Variants in NXPE2 observed in about 807,000 individuals in gnomAD.
NXPE2 encodes the protein NXPE family member 2.
A neutral mutation model predicts 34.4 loss-of-function variants in NXPE2; 34 were observed. The observed-to-expected ratio is 0.99, with a 90% CI of 0.75 to 1.31. The LOEUF is 1.31. Ranked by LOEUF, NXPE2 falls within the 40% of genes most tolerant of loss-of-function variation. The pLI, the probability that NXPE2 is intolerant of heterozygous loss-of-function variation, is 0.00. For synonymous variants in NXPE2, 235 were observed against 231.3 expected (o/e 1.02, Z -0.15); for missense variants, 649 against 672.5 (o/e 0.97, Z 0.39).
chr11:114,800,052 T>TTTGGATCC, the NXPE2 span, among the ~76,000 whole-genome samples: 2 of 152,214 alleles, frequency 1.3e-5, no homozygotes, highest in Non-Finnish European at 2.9e-5. Context: ...CTTCCGGCTA[T>TTTGGATCC]TTGGATCCAA....
At chr11:114,636,829 A>C in the NXPE2 span, among the ~76,000 whole-genome samples, 1,310 of 152,152 alleles carry the variant, frequency 8.6e-3, 7 homozygotes, top group African/African-American at 0.03. Context: ...TCTGAGAGAC[A>C]GTTTGTTATA....
At chr11:114,594,974 C>T in the NXPE2 span, among the ~76,000 whole-genome samples, 1 of 152,174 alleles carries the variant, frequency 6.6e-6, no homozygotes, top group Middle Eastern at 3.4e-3. Context: ...GTACATTCTA[C>T]AGAACAGATA....
At chr11:114,548,796 T>C in the NXPE2 span, among the ~76,000 whole-genome samples, 3 of 151,310 alleles carry the variant, frequency 2.0e-5, no homozygotes, top group Admixed American at 6.6e-5. Flanking sequence ...TAGGAATTGA[T>C]AGGAAGGTAA....
the NXPE2 span, among the ~76,000 whole-genome samples, chr11:114,538,570 A>G: frequency 6.6e-6 from 1 of 152,242 alleles, no homozygotes; most frequent in Admixed American, 6.5e-5. Context: ...AATGAACTCA[A>G]ACAAATTTAT....
the NXPE2 span, among the ~76,000 whole-genome samples, chr11:114,813,575 G>T: frequency 2.0e-5 from 3 of 152,220 alleles, no homozygotes; most frequent in African/African-American, 7.2e-5. Context: ...GCATGTCTGG[G>T]GGAGTTCATC....
At chr11:114,484,359 G>A in the NXPE2 span, among the ~76,000 whole-genome samples, 2 of 152,106 alleles carry the variant, frequency 1.3e-5, no homozygotes, top group Non-Finnish European at 2.9e-5. Context: ...GGGATGTGGG[G>A]GGGTAGAATT....
chr11:114,706,985 A>C lies in NXPE2; in HGVS notation c.*55A>C, dbSNP rs1012848559. The C allele has an allele frequency of 7.4e-6, 10 of 1,357,022 alleles. No homozygotes were observed. Among genetic ancestry groups the C allele is most frequent in the Non-Finnish European group, 9.9e-6 (10 of 1,014,376 alleles). The allele number at this position is 1,357,022 out of a possible 1,614,324, so 84.1% of individuals were successfully genotyped here. A position where few individuals can be genotyped will look rare whatever the true frequency, so the allele number is the denominator to read the frequency against. The stretch of plus-strand genomic sequence containing the variant: ...TTTCTATAGATGATCTCACATATAC[A>C]GCGAAGATAGTTTAATGCAATCCAA... On this transcript the variant is annotated 3_prime_UTR_variant, in exon 6 of 6. Transcript: ENST00000389586.
chr11:114,472,902 G>A, the NXPE2 span, among the ~76,000 whole-genome samples: 1 of 152,114 alleles, frequency 6.6e-6, no homozygotes, highest in Non-Finnish European at 1.5e-5. Flanking sequence ...GGGTTGTTTT[G>A]TTTTAAATGT....
upstream of NXPE2, among the ~76,000 whole-genome samples, chr11:114,677,776 A>G (rs1950874851): frequency 1.3e-5 from 2 of 152,192 alleles, no homozygotes; most frequent in African/African-American, 2.4e-5. Context: ...GCTATCATCT[A>G]TCTATATCTG....
the NXPE2 span, among the ~76,000 whole-genome samples, chr11:114,545,911 G>C: frequency 6.6e-6 from 1 of 151,794 alleles, no homozygotes; most frequent in Admixed American, 6.6e-5. Flanking sequence ...GGATGGTCTC[G>C]ATAGCTTGAC....
the NXPE2 span, among the ~76,000 whole-genome samples, chr11:114,548,702 T>C: frequency 6.6e-6 from 1 of 151,758 alleles, no homozygotes; most frequent in Non-Finnish European, 1.5e-5. Flanking sequence ...CCTATGTAAA[T>C]GAGGAGATAA....
the NXPE2 span, among the ~76,000 whole-genome samples, chr11:114,737,783 C>T: frequency 1.3e-5 from 2 of 151,980 alleles, no homozygotes; most frequent in African/African-American, 4.8e-5. Context: ...CTTTTGCTGA[C>T]ATAAGTTAGA....
chr11:114,798,671 T>C, the NXPE2 span, among the ~76,000 whole-genome samples: 2 of 152,202 alleles, frequency 1.3e-5, no homozygotes, highest in Non-Finnish European at 2.9e-5. Context: ...CGTGAGCCAC[T>C]GCACCCGGCC....
At chr11:114,761,637 A>C in the NXPE2 span, among the ~76,000 whole-genome samples, 1 of 142,478 alleles carries the variant, frequency 7.0e-6, no homozygotes, top group Non-Finnish European at 1.5e-5. Flanking sequence ...GCAGTGGCGC[A>C]ATCTCGGCTC....
rs1032540351 is a variant in NXPE2 at position 114,679,645 on chromosome 11, C to T, written c.27-12C>T. 9 of 1,485,142 alleles carry T rather than the reference C, an allele frequency of 6.1e-6. No homozygotes were observed. The highest frequency in any genetic ancestry group is 8.3e-6 in the Non-Finnish European group (9 of 1,087,890). The allele number at this position is 1,485,142 out of a possible 1,614,324, so 92.0% of individuals were successfully genotyped here. ...GATTTAATGTGATTATTTCTCCTGTCCTTTCTTATAGGATACTCACTTTGT... is the reference window on the plus strand; with the variant it reads ...GATTTAATGTGATTATTTCTCCTGTTCTTTCTTATAGGATACTCACTTTGT... On this transcript the variant is annotated splice_polypyrimidine_tract_variant and intron_variant, in intron 1 of 5. Transcript: ENST00000389586.
At chr11:114,653,192 C>G in the NXPE2 span, among the ~76,000 whole-genome samples, 1 of 152,038 alleles carries the variant, frequency 6.6e-6, no homozygotes, top group Non-Finnish European at 1.5e-5. Flanking sequence ...GTTTTTAAAA[C>G]AAAACATTTA....
chr11:114,576,324 A>G, the NXPE2 span, among the ~76,000 whole-genome samples: 2 of 148,646 alleles, frequency 1.3e-5, no homozygotes, highest in African/African-American at 5.0e-5. Flanking sequence ...CCAAAAGCAA[A>G]TGCAACAAAA....
At chr11:114,666,565 T>C in the NXPE2 span, among the ~76,000 whole-genome samples, 118 of 152,288 alleles carry the variant, frequency 7.7e-4, no homozygotes, top group African/African-American at 2.7e-3. Flanking sequence ...AGAAATTAAC[T>C]GGATTGATAG....
the NXPE2 span, among the ~76,000 whole-genome samples, chr11:114,734,362 CA>C: frequency 2.6e-5 from 4 of 152,112 alleles, no homozygotes; most frequent in Non-Finnish European, 5.9e-5. Context: ...TTTACAAATA[CA>C]TTTTTTGTGT....
Sources: allele counts gnomAD v4.1 joint callset (sites outside exome capture counted in the v4.1 genomes callset), GRCh38; gene constraint gnomAD v4.1.1; transcripts MANE v1.5; gene names NCBI Gene and HGNC (gene_info 2026-07-23, HGNC 2026-07-21).